Variants in FRMD1 observed in about 807,000 individuals in gnomAD.
FRMD1 encodes the protein FERM domain containing 1.
FRMD1 carries 51 observed loss-of-function variants against 54.9 expected under a neutral mutation model. The ratio of observed to expected loss-of-function variants is 0.93; its 90% CI spans 0.74 to 1.17. The LOEUF is 1.17. Among genes scored for constraint, FRMD1 ranks in the 50% most tolerant of loss-of-function variants. FRMD1 has a pLI of 0.00. For synonymous variants in FRMD1, 324 were observed against 306.4 expected, an observed-to-expected ratio of 1.06 and a Z score of -0.60; for missense variants, 729 against 743.0, an observed-to-expected ratio of 0.98 and a Z score of 0.22.
upstream of FRMD1, chr6:168,081,715 T>G (rs1391248026): frequency 1.9e-5 from 9 of 476,716 alleles, no homozygotes; most frequent in East Asian, 2.6e-4. Flanking sequence ...AGGGAGAAGC[T>G]GGATGCAAAA....
intron 2 of FRMD1, among the ~76,000 whole-genome samples, chr6:168,072,539 C>T (rs998073476): frequency 6.6e-6 from 1 of 152,230 alleles, no homozygotes; most frequent in African/African-American, 2.4e-5. Flanking sequence ...TGGGCACAGA[C>T]GAGGCAGAGT....
At chr6:168,090,620 G>A (rs1180649316) in intron 1 of FRMD1, among the ~76,000 whole-genome samples, 1 of 152,246 alleles carries the variant, frequency 6.6e-6, no homozygotes, top group East Asian at 1.9e-4. Context: ...ACCCCTGCCT[G>A]TTTGCCTGTT....
chr6:168,074,516 GTGTA>G (rs1477740979), intron 2 of FRMD1, among the ~76,000 whole-genome samples: 2 of 150,058 alleles, frequency 1.3e-5, no homozygotes, highest in Non-Finnish European at 3.0e-5. Flanking sequence ...CATGTGTGTG[GTGTA>G]TGTATGTGTA....
In FRMD1 at chr6:168,064,995, C is replaced by A. The variant is rs539709112; in HGVS notation, c.524G>T (p.Cys175Phe). 6.8e-6 allele frequency: 11 copies of A among 1,612,006 alleles called. No homozygotes were observed. The highest frequency in any genetic ancestry group is 1.3e-5 in the African/African-American group (1 of 75,072). ...HLKERVLRSQ[C>F]AHREEAYFLL... ...GAAGTAGGCTTCCTCCCGGTGAGCG[C>A]ACTGTGACCTCAGCACGCGCTCCTT... Residue 175 changes from cysteine (C) to phenylalanine (F), a missense_variant, in exon 5 of 11, where the codon TGC becomes TTC. Transcript: ENST00000283309.
At chr6:168,075,590 A>C (rs1800550762) in intron 1 of FRMD1, 1 of 741,762 alleles carries the variant, frequency 1.3e-6, no homozygotes, top group East Asian at 2.7e-5. Context: ...TGCCCCCTCC[A>C]TCCCTGTCTG....
chr6:168,090,146 C>G (rs1800991372), intron 1 of FRMD1, among the ~76,000 whole-genome samples: 1 of 152,138 alleles, frequency 6.6e-6, no homozygotes, highest in Non-Finnish European at 1.5e-5. Context: ...CACTGGGACC[C>G]ACCCCTGGTT....
At chr6:168,062,581 T>C in intron 7 of FRMD1, 1 of 1,297,158 alleles carries the variant, frequency 7.7e-7, no homozygotes, top group Non-Finnish European at 1.1e-6. Context: ...CCTGCACCTC[T>C]TCGGGTGCAG....
intron 1 of FRMD1, among the ~76,000 whole-genome samples, chr6:168,078,045 C>T (rs1236904220): frequency 2.6e-5 from 4 of 152,166 alleles, no homozygotes; most frequent in Admixed American, 2.6e-4. Flanking sequence ...ATATTACTAG[C>T]AAGTCATACT....
intron 3 of FRMD1, chr6:168,067,114 C>T (rs1800073767): frequency 1.4e-6 from 1 of 704,588 alleles, no homozygotes; most frequent in East Asian, 2.7e-5. Flanking sequence ...GCGGACAGCC[C>T]CTCTGGACGG....
At chr6:168,064,539 C>T (rs930298642) in intron 5 of FRMD1, among the ~76,000 whole-genome samples, 4 of 152,174 alleles carry the variant, frequency 2.6e-5, no homozygotes, top group Non-Finnish European at 4.4e-5. Flanking sequence ...CCACAAGGCC[C>T]GTGTGGGTCA....
chr6:168,063,801 C>T, intron 5 of FRMD1, 45 bp from the exon 6 acceptor site: 1 of 1,554,986 alleles, frequency 6.4e-7, no homozygotes, highest in East Asian at 2.4e-5. Flanking sequence ...TGCTGGTCCC[C>T]CCTTCCTCCT....
chr6:168,062,086 CCAGGTTTTCACTTCGCAGTGCAG>C, intron 7 of FRMD1, 105 bp from the exon 8 acceptor site: 1 of 1,212,802 alleles, frequency 8.2e-7, no homozygotes, highest in Non-Finnish European at 1.1e-6. Context: ...GGGACGAGGC[CCAGGTTTTCACTTCGCAGTGCAG>C]ATGGCTGTTG....
At chr6:168,066,482 G>C (rs1800031198) in intron 4 of FRMD1, 1 of 1,075,560 alleles carries the variant, frequency 9.3e-7, no homozygotes, top group African/African-American at 1.7e-5. Context: ...TGGGCGACAA[G>C]AGTGAAACTC....
upstream of FRMD1, among the ~76,000 whole-genome samples, chr6:168,084,446 C>T (rs1194842330): frequency 6.6e-6 from 1 of 152,240 alleles, no homozygotes; most frequent in Non-Finnish European, 1.5e-5. Context: ...ACATGCTGCT[C>T]CTGCCATCTG....
In FRMD1 at chr6:168,089,884, T is replaced by G. The variant is rs1008347980; in HGVS notation, c.-11-10860A>C. On this transcript the variant is annotated intron_variant, in intron 1 of 12. Coordinates refer to the FRMD1 transcript ENST00000644440. ...AGACGCTCCCATGGAGGGGCACGAA[T>G]CCCGCTGGCGCTGGTGGTGCCCTGT... 4.6e-5 allele frequency among the ~76,000 whole-genome samples: 7 copies of G among 152,178 alleles called. 1 individual carries two copies. Among genetic ancestry groups the G allele is most frequent in the Admixed American group, 2.0e-4 (3 of 15,284 alleles).
chr6:168,059,015 G>C lies in FRMD1; in HGVS notation c.1407+109C>G. On this transcript the variant is annotated intron_variant, in intron 10 of 10. Coordinates refer to ENST00000283309, the MANE Select transcript of FRMD1 (RefSeq NM_024919.6). The surrounding 1 kb of genome is among the most constrained non-coding windows in gnomAD (Gnocchi z 4.4). ...CTGCGTCTCTGGGGATGTCAGTCGAGGGACCCTCTGATAGGCCTAGGAAGG... is the reference window on the plus strand; with the variant it reads ...CTGCGTCTCTGGGGATGTCAGTCGACGGACCCTCTGATAGGCCTAGGAAGG... The C allele has an allele frequency of 4.9e-6, 4 of 817,792 alleles. No homozygotes were observed. Among genetic ancestry groups the C allele is most frequent in the Non-Finnish European group, 3.8e-6 (2 of 520,654 alleles). 50.7% of individuals were successfully genotyped at this position (817,792 alleles called of 1,614,324 possible).
In FRMD1 at chr6:168,057,258, G is replaced by A; in HGVS notation, c.1489C>T (p.His497Tyr). 6.2e-7 allele frequency: 1 copy of A among 1,611,180 alleles called. No homozygotes were observed. Among genetic ancestry groups the A allele is most frequent in the Non-Finnish European group, 8.5e-7 (1 of 1,179,132 alleles). The change falls in exon 11 of 11, where the codon CAC (histidine) becomes TAC (tyrosine). Residue 497 changes from histidine (H) to tyrosine (Y), a missense_variant. Physicochemically the swap from His to Tyr is moderately conservative, Grantham distance 83. Coordinates refer to ENST00000283309, the MANE Select transcript of FRMD1 (RefSeq NM_024919.6). ...TGGCTGAGTGAGGTGGGCGCTGGGTGCAGGGCCAGCTGGTGCAGCTGCATG... is the reference window on the plus strand; with the variant it reads ...TGGCTGAGTGAGGTGGGCGCTGGGTACAGGGCCAGCTGGTGCAGCTGCATG... ...DDMQLHQLAL[H>Y]PAPTSLSHTF...
intron 7 of FRMD1, chr6:168,062,654 ACCCCC>A: frequency 6.5e-7 from 1 of 1,548,712 alleles, no homozygotes; most frequent in Non-Finnish European, 8.7e-7. Context: ...GGGCACGGGG[ACCCCC>A]CAGACACCCA....
At chr6:168,079,414 G>T (rs1328094135), upstream of FRMD1, among the ~76,000 whole-genome samples, 7 of 152,322 alleles carry the variant, frequency 4.6e-5, no homozygotes, top group East Asian at 1.4e-3. Context: ...GGGGAGACAG[G>T]ACCCAACTCC....
Sources: gnomAD v4.1 joint callset for allele counts (sites outside exome capture counted in the v4.1 genomes callset) on GRCh38, gnomAD v4.1.1 for gene constraint, Gnocchi (gnomAD v3.1) non-coding constraint, MANE v1.5 for transcripts, NCBI Gene and HGNC (gene_info 2026-07-23, HGNC 2026-07-21) for gene names.